The following CFAP46 variants were observed in gnomAD, a reference collection of about 807,000 sequenced individuals.
The protein encoded by CFAP46 is cilia and flagella associated protein 46, also known as cilia- and flagella-associated protein 46.
CFAP46 carries 245 observed loss-of-function variants against 325.7 expected under a neutral mutation model. The observed-to-expected ratio is 0.75, with a 90% CI of 0.68 to 0.84. CFAP46 has a LOEUF of 0.84. Ranked by LOEUF, CFAP46 falls within the 40% of genes least tolerant of loss-of-function variation. The pLI, the probability that CFAP46 is intolerant of heterozygous loss-of-function variation, is 0.00. For missense variants in CFAP46, 3,346 were observed against 3,543.0 expected (o/e 0.94, Z 1.41); for synonymous variants, 1,523 against 1,495.9 (o/e 1.02, Z -0.42).
At chr10:132,855,333 T>C (rs1848625602) in intron 39 of CFAP46, among the ~76,000 whole-genome samples, 1 of 152,248 alleles carries the variant, frequency 6.6e-6, no homozygotes, top group Non-Finnish European at 1.5e-5. Flanking sequence ...GTGTTGTTAA[T>C]ATAGCCACTC....
chr10:132,879,064 G>A (rs983872619), intron 29 of CFAP46, among the ~76,000 whole-genome samples: 3 of 152,194 alleles, frequency 2.0e-5, no homozygotes, highest in South Asian at 2.1e-4. Context: ...TTGGTGTGGC[G>A]AGCCAGGCAG....
chr10:132,898,979 T>C lies in CFAP46; in HGVS notation c.3199A>G (p.Lys1067Glu), dbSNP rs1446570659. Residue 1067 changes from lysine to glutamate, a missense_variant, in exon 24 of 58, where the codon AAG becomes GAG. Physicochemically the swap from Lys to Glu is moderately conservative, Grantham distance 56. Coordinates refer to ENST00000368586, the MANE Select transcript of CFAP46 (RefSeq NM_001200049.3). ...ALKRLIGIIN[K>E]TEARKQEKGK... The stretch of plus-strand genomic sequence containing the variant: ...TGCACCTGCTTTCTGGCCTCTGTCT[T>C]GTTGATGATGCCGATGAGCCTCTTC... The C allele has an allele frequency of 1.9e-6, 3 of 1,550,390 alleles. No individual in the cohort carries two copies. Among genetic ancestry groups the C allele is most frequent in the Non-Finnish European group, 2.6e-6 (3 of 1,146,976 alleles).
At chr10:132,839,269 G>A (rs1020718159) in intron 44 of CFAP46, among the ~76,000 whole-genome samples, 1 of 152,220 alleles carries the variant, frequency 6.6e-6, no homozygotes, top group Non-Finnish European at 1.5e-5. Flanking sequence ...GGCCACAGGG[G>A]GGTGGCGCAG....
At chr10:132,926,741 G>T in intron 9 of CFAP46, 75 bp from the exon 10 acceptor site, 2 of 1,126,234 alleles carry the variant, frequency 1.8e-6, no homozygotes, top group Non-Finnish European at 2.6e-6. Flanking sequence ...GAAATTCAAA[G>T]GCATTTAAAA....
rs928456099 is a variant in CFAP46, at chr10:132,867,266, C to T, written c.4743+109G>A. ...CACACCCAGGCCGGCCCCTCACACACTGACACACACACAGGCCGGCCGCCT... is the reference window on the plus strand; with the variant it reads ...CACACCCAGGCCGGCCCCTCACACATTGACACACACACAGGCCGGCCGCCT... On this transcript the variant is annotated intron_variant, in intron 34 of 57. Coordinates refer to ENST00000368586, the MANE Select transcript of CFAP46 (RefSeq NM_001200049.3). 4 of 1,371,638 alleles carry T rather than the reference C, an allele frequency of 2.9e-6. No individual in the cohort carries two copies. In the African/African-American group the frequency reaches 4.4e-5, roughly 15 times the overall value. 85.0% of individuals were successfully genotyped at this position (1,371,638 alleles called of 1,614,324 possible).
rs116808143 is a variant in CFAP46, at chr10:132,869,291, G to C, written c.4593C>G (p.Ser1531Arg). Residue 1531 changes from serine (S) to arginine (R), a missense_variant, in exon 33 of 58, where the codon AGC (serine) becomes AGG (arginine). Transcript: ENST00000368586. This position sits in a 1 kb window ranked among gnomAD's most constrained non-coding sequence, Gnocchi z 6.2. ...HEEAVGQVCV[S>R]ELEQASCRKE... is the part of the protein sequence containing the mutation. The stretch of plus-strand genomic sequence containing the variant: ...GCACACACCTGGCCTGCTCCAGCTC[G>C]CTGACGCACACCTGCCCGACCGCCT... 3 of 1,535,712 alleles carry C rather than the reference G, an allele frequency of 2.0e-6. No homozygotes were observed. Among genetic ancestry groups the C allele is most frequent in the Non-Finnish European group, 2.6e-6 (3 of 1,142,218 alleles).
At chr10:132,867,955 G>A (rs1314924475) in intron 33 of CFAP46, among the ~76,000 whole-genome samples, 1 of 151,958 alleles carries the variant, frequency 6.6e-6, no homozygotes, top group East Asian at 1.9e-4. Flanking sequence ...CACGGCCCCC[G>A]GCTGTCCCGC....
chr10:132,932,166 C>T (rs374835611), intron 8 of CFAP46, among the ~76,000 whole-genome samples: 5 of 145,934 alleles, frequency 3.4e-5, no homozygotes, highest in African/African-American at 1.0e-4. Context: ...GGCCTCCCCA[C>T]ACTTCTCACA....
At chr10:132,878,902 C>G (rs1165032408) in intron 29 of CFAP46, among the ~76,000 whole-genome samples, 1 of 152,152 alleles carries the variant, frequency 6.6e-6, no homozygotes, top group South Asian at 2.1e-4. Context: ...GGGAGGCCCC[C>G]GACAGCTGCT....
At position 132,922,578 on chromosome 10, in the gene CFAP46, C is replaced by T. The variant is rs1849742371; in HGVS notation, c.1387G>A (p.Asp463Asn). 2 of 1,548,586 alleles carry T rather than the reference C, an allele frequency of 1.3e-6. No homozygotes were observed. Among genetic ancestry groups the T allele is most frequent in the Admixed American group, 2.0e-5 (1 of 50,982 alleles). The change falls in exon 12 of 58, where the codon GAC becomes AAC. Residue 463 changes from aspartate (D) to asparagine (N), a missense_variant. Asp to Asn is a conservative substitution (Grantham distance 23). Transcript: ENST00000368586. ...CGGGTGGAGGCCATCTGGATCCTGT[C>T]CCGGTAGAGGCCCAGGCTGTCCAGG... The part of the protein sequence containing the change: ...ARLDSLGLYR[D>N]RIQMASTRLR...
At chr10:132,837,428 G>A (rs1014751227) in intron 44 of CFAP46, among the ~76,000 whole-genome samples, 3 of 140,266 alleles carry the variant, frequency 2.1e-5, no homozygotes, top group Non-Finnish European at 4.6e-5. Context: ...CACGGACACA[G>A]ACACCCACCC....
intron 35 of CFAP46, among the ~76,000 whole-genome samples, chr10:132,863,880 C>G (rs1848761301): frequency 7.4e-6 from 1 of 134,534 alleles, no homozygotes. Flanking sequence ...ACACCTGTCC[C>G]CCTGAGACCT....
chr10:132,882,291 T>G (rs1849059330), intron 27 of CFAP46, among the ~76,000 whole-genome samples: 1 of 149,860 alleles, frequency 6.7e-6, no homozygotes, highest in Non-Finnish European at 1.5e-5. Flanking sequence ...ATGGTGTGTA[T>G]GAGATGTGGG....
chr10:132,913,301 G>A, intron 17 of CFAP46, 43 bp from the exon 18 acceptor site: 2 of 1,316,578 alleles, frequency 1.5e-6, no homozygotes, highest in African/African-American at 3.0e-5. Context: ...AGGGTCCCCA[G>A]CCCCGGGGCC....
intron 25 of CFAP46, among the ~76,000 whole-genome samples, chr10:132,887,168 T>C (rs1169827160): frequency 2.5e-5 from 1 of 39,678 alleles, no homozygotes; most frequent in African/African-American, 1.3e-4. Flanking sequence ...CTCTCTCTTC[T>C]TTCCTCTCCC....
At chr10:132,922,812 G>T in intron 11 of CFAP46, 104 bp from the exon 12 acceptor site, 1 of 921,214 alleles carries the variant, frequency 1.1e-6, no homozygotes, top group Non-Finnish European at 1.6e-6. Context: ...AGAGTGTAGG[G>T]CAGGCTTGGT....
rs751549610 is a variant in CFAP46 at position 132,929,715 on chromosome 10, ATCT to A, written c.953_955del (p.Lys318del). On this transcript the variant is annotated inframe_deletion, in exon 9 of 58. Transcript: ENST00000368586. Reference sequence around the variant, plus strand: ...CATGAAGCCACTTACTTTGCTTTCCATCTTCTTCAGGTCTGAGAGGCAGGCAGA... The same window carrying A: ...CATGAAGCCACTTACTTTGCTTTCCATCTTCAGGTCTGAGAGGCAGGCAGA... 2 of 1,613,908 alleles carry A rather than the reference ATCT, an allele frequency of 1.2e-6. No homozygotes were observed. Among genetic ancestry groups the A allele is most frequent in the African/African-American group, 2.7e-5 (2 of 75,000 alleles).
chr10:132,841,667 C>T (rs939545504), intron 44 of CFAP46, among the ~76,000 whole-genome samples: 1 of 152,208 alleles, frequency 6.6e-6, no homozygotes, highest in African/African-American at 2.4e-5. Flanking sequence ...CCATCTTGCT[C>T]TCTGCAAGCC....
Position 132,828,531 on chromosome 10 carries a change from G to A in CFAP46, c.7117+4827C>T, listed in dbSNP as rs973215938. ...AGTATCTGTTCAAATCTTTTTTAGG[G>A]TTGTTTCTTTCTTATTATTCAGTTT... On this transcript the variant is annotated intron_variant, in intron 50 of 57. Coordinates refer to ENST00000368586, the MANE Select transcript of CFAP46 (RefSeq NM_001200049.3). This position sits in a 1 kb window ranked among gnomAD's most constrained non-coding sequence, Gnocchi z 4.9. Among the ~76,000 whole-genome samples, 1 of 152,056 alleles carries A rather than the reference G, an allele frequency of 6.6e-6. No homozygotes were observed. Among genetic ancestry groups the A allele is most frequent in the African/African-American group, 2.4e-5 (1 of 41,376 alleles).
Sources: allele counts gnomAD v4.1 joint callset (sites outside exome capture counted in the v4.1 genomes callset), GRCh38; gene constraint gnomAD v4.1.1; non-coding constraint Gnocchi (gnomAD v3.1); transcripts MANE v1.5; gene names NCBI Gene and HGNC (gene_info 2026-07-23, HGNC 2026-07-21).